Variants in TRIP12 observed in about 807,000 individuals in gnomAD.
TRIP12 encodes E3 ubiquitin-protein ligase TRIP12.
Under a neutral mutation model 244.2 loss-of-function variants are expected in TRIP12, and 25 were observed. The observed-to-expected ratio is 0.10, with a 90% confidence interval of 0.07 to 0.14. The LOEUF (loss-of-function observed/expected upper bound fraction) is 0.14. Ranked by LOEUF, TRIP12 falls within the 10% of genes least tolerant of loss-of-function variation. The pLI, the probability that TRIP12 is intolerant of heterozygous loss-of-function variation, is 1.00. For synonymous variants in TRIP12, 905 were observed against 873.1 expected, an observed-to-expected ratio of 1.04 and a Z score of -0.64; for missense variants, 1,677 against 2,486.4, an observed-to-expected ratio of 0.67 and a Z score of 6.92.
In TRIP12 at chr2:229,785,838, C is replaced by A; in HGVS notation, c.5013G>T (p.Glu1671Asp). 6.2e-7 allele frequency: 1 copy of A among 1,613,540 alleles called. No individual in the cohort carries two copies. Among genetic ancestry groups the A allele is most frequent in the Non-Finnish European group, 8.5e-7 (1 of 1,179,764 alleles). ...LDRKKRTVNR[E>D]ELLKQAESVM... ...CAGACTCCGCCTGTTTCAGCAGCTC[C>A]TCTCGGTTCACAGTACGCTACAAAG... Residue 1671 changes from glutamate to aspartate, a missense_variant, in exon 34 of 42, where the codon GAG becomes GAT. Transcript: ENST00000675903.
At chr2:229,899,737 G>A (rs1000434072) in intron 1 of TRIP12, among the ~76,000 whole-genome samples, 1 of 152,184 alleles carries the variant, frequency 6.6e-6, no homozygotes, top group African/African-American at 2.4e-5. Context: ...TTCCCCAAGA[G>A]AGAAGTGGAA....
At chr2:229,922,478 T>C, upstream of TRIP12, 3 of 1,610,000 alleles carry the variant, frequency 1.9e-6, no homozygotes, top group Non-Finnish European at 2.6e-6. Context: ...CCCCGCCCCT[T>C]CCTGGTTGTC....
At chr2:229,807,631 A>G in intron 17 of TRIP12, 77 bp downstream of exon 17, 1 of 1,536,746 alleles carries the variant, frequency 6.5e-7, no homozygotes. Flanking sequence ...AAATCCACAT[A>G]TCCACCTCCC....
intron 24 of TRIP12, 108 bp downstream of exon 24, chr2:229,797,582 G>A (rs2043134981): frequency 2.9e-6 from 4 of 1,393,370 alleles, no homozygotes; most frequent in South Asian, 2.9e-5. Context: ...AAAAGTCGAT[G>A]TAGGATAGCT....
rs749630399 is a variant in TRIP12 at position 229,859,424 on chromosome 2, G to C, written c.375C>G (p.Thr125=). The C allele has an allele frequency of 6.2e-7, 1 of 1,614,104 alleles. No homozygotes were observed. Among genetic ancestry groups the C allele is most frequent in the South Asian group, 1.1e-5 (1 of 91,070 alleles). ...KRSASPDYNR[T]NSPSSAKKPK... ...GTTTTTTTGCAGAGCTAGGAGAATT[G>C]GTCCTGTTGTAGTCTGGACTAGCAC... The change falls in exon 4 of 42, where the codon ACC becomes ACG. Residue 125 remains threonine (T), a synonymous_variant. Coordinates refer to ENST00000675903, the MANE Select transcript of TRIP12 (RefSeq NM_001348323.3).
rs1385935441 is a variant in TRIP12 at position 229,764,066 on chromosome 2, A to G, written c.*3488T>C. 6.6e-6 allele frequency: 1 copy of G among 152,238 alleles called. No homozygotes were observed. The highest frequency in any genetic ancestry group is 2.4e-5 in the African/African-American group (1 of 41,470). The allele number at this position is 152,238 out of a possible 1,614,324, so 9.4% of individuals were successfully genotyped here. ...AAATAAAACCACCTCTTCCATTATT[A>G]AAGAATGTCTCCTTCATGCAGAACA... On this transcript the variant is annotated 3_prime_UTR_variant, in exon 42 of 42. Transcript: ENST00000675903.
At chr2:229,889,111 G>GA (rs1458788355) in intron 1 of TRIP12, among the ~76,000 whole-genome samples, 1 of 152,182 alleles carries the variant, frequency 6.6e-6, no homozygotes, top group Non-Finnish European at 1.5e-5. Context: ...CCCGCAGGGG[G>GA]AAAAAAATTA....
intron 5 of TRIP12, among the ~76,000 whole-genome samples, chr2:229,840,084 C>G (rs2056004228): frequency 6.6e-6 from 1 of 152,190 alleles, no homozygotes; most frequent in Non-Finnish European, 1.5e-5. Context: ...GCCATTAAAA[C>G]AGGCATCCTT....
At chr2:229,811,791 T>C (rs2047314645) in intron 13 of TRIP12, among the ~76,000 whole-genome samples, 1 of 152,204 alleles carries the variant, frequency 6.6e-6, no homozygotes, top group African/African-American at 2.4e-5. Flanking sequence ...AAAGAATGTT[T>C]TACTGGCTAA....
rs2047117978 is a variant in TRIP12, at chr2:229,810,998, T to C, written c.2103A>G (p.Gln701=). 6.2e-7 allele frequency: 1 copy of C among 1,614,074 alleles called. No homozygotes were observed. Among genetic ancestry groups the C allele is most frequent in the Non-Finnish European group, 8.5e-7 (1 of 1,179,984 alleles). Residue 701 remains glutamine (Q), a synonymous_variant, in exon 15 of 42, where the codon CAA becomes CAG. Coordinates refer to ENST00000675903, the MANE Select transcript of TRIP12 (RefSeq NM_001348323.3). ...TGGGTGGAGTCACTACCAACAGCTGTTGAACATTTGTAAGCAGATCTTTGG... is the reference window on the plus strand; with the variant it reads ...TGGGTGGAGTCACTACCAACAGCTGCTGAACATTTGTAAGCAGATCTTTGG... The part of the protein sequence containing the change: ...VASKDLLTNV[Q]QLLVVTPPIL...
intron 1 of TRIP12, among the ~76,000 whole-genome samples, chr2:229,919,452 A>G (rs552927425): frequency 6.6e-6 from 1 of 152,118 alleles, no homozygotes; most frequent in Non-Finnish European, 1.5e-5. Flanking sequence ...GGAATCATAC[A>G]TGGAATCATA....
At chr2:229,801,858 T>A (rs191626334) in intron 21 of TRIP12, among the ~76,000 whole-genome samples, 226 of 152,336 alleles carry the variant, frequency 1.5e-3, no homozygotes, top group African/African-American at 4.9e-3. Context: ...TTTTTAACTG[T>A]ATTAATATCT....
At position 229,820,086 on chromosome 2, in the gene TRIP12, G is replaced by A. The variant is rs116286348; in HGVS notation, c.1451-1574C>T. On this transcript the variant is annotated intron_variant, in intron 8 of 41. Coordinates refer to ENST00000675903, the MANE Select transcript of TRIP12 (RefSeq NM_001348323.3). ...TATCACTTCTGTGTTGACATAATGTGGAAGGAAAAACAAAATGATAGAAAA... is the reference window on the plus strand; with the variant it reads ...TATCACTTCTGTGTTGACATAATGTAGAAGGAAAAACAAAATGATAGAAAA... Among the ~76,000 whole-genome samples the A allele has an allele frequency of 8.3e-3, 1,261 of 152,142 alleles. 14 individuals carry two copies. Among genetic ancestry groups the A allele is most frequent in the Non-Finnish European group, 8.9e-3 (605 of 68,000 alleles).
At chr2:229,874,816 T>A (rs2063306057) in intron 2 of TRIP12, among the ~76,000 whole-genome samples, 1 of 152,200 alleles carries the variant, frequency 6.6e-6, no homozygotes, top group Non-Finnish European at 1.5e-5. Flanking sequence ...CTATTCTCAA[T>A]ATGCACTGTT....
intron 1 of TRIP12, among the ~76,000 whole-genome samples, chr2:229,918,325 G>A (rs2075886660): frequency 6.6e-6 from 1 of 152,176 alleles, no homozygotes; most frequent in Non-Finnish European, 1.5e-5. Flanking sequence ...GTAGGTTGCT[G>A]TTTTGACTTG....
chr2:229,810,362 C>T (rs376409222), intron 15 of TRIP12, among the ~76,000 whole-genome samples: 2 of 152,112 alleles, frequency 1.3e-5, no homozygotes, highest in East Asian at 3.8e-4. Context: ...TTAGAAATAC[C>T]TTTCTAAATT....
At position 229,808,273 on chromosome 2, in the gene TRIP12, T is replaced by C. The variant is rs1212268265; in HGVS notation, c.2318A>G (p.Tyr773Cys). The change falls in exon 16 of 42, where the codon TAT becomes TGT. Residue 773 changes from tyrosine to cysteine, a missense_variant. Coordinates refer to ENST00000675903, the MANE Select transcript of TRIP12 (RefSeq NM_001348323.3). ...TTACCAAATCAGAGATGTCAGTTCA[T>C]ACAACTCTTGAGGGCTTCGTGGAAC... ...DLVPRSPQELYELTSLICELM... is the reference protein window; with the variant it reads ...DLVPRSPQELCELTSLICELM... 6.2e-7 allele frequency: 1 copy of C among 1,612,834 alleles called. No individual in the cohort carries two copies. Among genetic ancestry groups the C allele is most frequent in the African/African-American group, 1.3e-5 (1 of 74,914 alleles).
At position 229,774,127 on chromosome 2, in the gene TRIP12, G is replaced by C; in HGVS notation, c.5664C>G (p.Val1888=). 1.2e-6 allele frequency: 2 copies of C among 1,614,082 alleles called. No homozygotes were observed. Among genetic ancestry groups the C allele is most frequent in the Non-Finnish European group, 1.7e-6 (2 of 1,180,008 alleles). ...ELKKGGKDIP[V]TIHNLEEYLR... is the part of the protein sequence containing the mutation. ...GATACTCCTCTAAATTGTGGATAGTGACTGGTATATCCTTCCCTCCTTTCT... is the reference window on the plus strand; with the variant it reads ...GATACTCCTCTAAATTGTGGATAGTCACTGGTATATCCTTCCCTCCTTTCT... Residue 1888 remains valine (V), a synonymous_variant, in exon 38 of 42, where the codon GTC becomes GTG. Transcript: ENST00000675903.
intron 1 of TRIP12, among the ~76,000 whole-genome samples, chr2:229,898,784 T>C (rs970351482): frequency 6.6e-6 from 1 of 152,198 alleles, no homozygotes; most frequent in Non-Finnish European, 1.5e-5. Flanking sequence ...CTCCACCTCC[T>C]GGGCTCAAGT....
Sources: gnomAD v4.1 joint callset for allele counts (sites outside exome capture counted in the v4.1 genomes callset) on GRCh38, gnomAD v4.1.1 for gene constraint, MANE v1.5 for transcripts, NCBI Gene and HGNC (gene_info 2026-07-23, HGNC 2026-07-21) for gene names.